Variants in SYNE1 observed in about 807,000 individuals in gnomAD.
The protein encoded by SYNE1 is spectrin repeat containing nuclear envelope protein 1.
SYNE1 carries 616 observed loss-of-function variants against 1,111.0 expected under a neutral mutation model. The ratio of observed to expected loss-of-function variants is 0.55; its 90% CI spans 0.52 to 0.59. The LOEUF is 0.59. SYNE1 is among the 20% of genes least tolerant of loss of function. The pLI, the probability that SYNE1 is intolerant of heterozygous loss-of-function variation, is 0.00. For synonymous variants in SYNE1, 3,855 were observed against 3,825.8 expected (o/e 1.01, Z -0.28); for missense variants, 10,006 against 10,417.0 (o/e 0.96, Z 1.72).
At chr6:152,189,507 C>T (rs2071568264) in intron 127 of SYNE1, 100 bp from the exon 128 acceptor site, 7 of 1,154,700 alleles carry the variant, frequency 6.1e-6, no homozygotes, top group Admixed American at 5.8e-5. Context: ...TTTGTATAGC[C>T]CTCAATTTAA....
intron 74 of SYNE1, among the ~76,000 whole-genome samples, chr6:152,342,112 G>C (rs540691368): frequency 1.3e-5 from 2 of 152,348 alleles, no homozygotes; most frequent in Admixed American, 1.3e-4. Context: ...ACATGTGAAA[G>C]AGGCAGAAAC....
chr6:152,574,775 T>A (rs1294396978), intron 3 of SYNE1, among the ~76,000 whole-genome samples: 1 of 152,200 alleles, frequency 6.6e-6, no homozygotes, highest in Non-Finnish European at 1.5e-5. Context: ...ATCTAACTTC[T>A]GTTTTTTTCA....
intron 98 of SYNE1, among the ~76,000 whole-genome samples, chr6:152,274,988 G>C (rs1163960160): frequency 6.6e-6 from 1 of 152,148 alleles, no homozygotes; most frequent in African/African-American, 2.4e-5. Context: ...CTGGGCTTAA[G>C]GGATTCTCCC....
Position 152,180,007 on chromosome 6 carries a change from A to G in SYNE1, c.23460+129T>C, listed in dbSNP as rs143573746. On this transcript the variant is annotated intron_variant, in intron 129 of 145. Coordinates refer to ENST00000367255, the MANE Select transcript of SYNE1 (RefSeq NM_182961.4). ...TGCAAGTTTATTTTATATTAAAAAG[A>G]TAAAATGTTTAAAATATACTGCTCC... 2.6e-3 allele frequency: 2,748 copies of G among 1,063,226 alleles called. 8 individuals are homozygous for G. Among genetic ancestry groups the G allele is most frequent in the Middle Eastern group, 5.4e-3 (18 of 3,310 alleles). 65.9% of individuals were successfully genotyped at this position (1,063,226 alleles called of 1,614,324 possible). A position where few individuals can be genotyped will look rare whatever the true frequency, so the allele number is the denominator to read the frequency against.
chr6:152,373,367 T>A, intron 58 of SYNE1, 148 bp from the exon 59 acceptor site: 1 of 713,214 alleles, frequency 1.4e-6, no homozygotes, highest in Non-Finnish European at 2.2e-6. Flanking sequence ...GCAGCCTCCG[T>A]CTTCTGCGTT....
chr6:152,384,989 T>C (rs2097502264), intron 55 of SYNE1, among the ~76,000 whole-genome samples: 1 of 152,182 alleles, frequency 6.6e-6, no homozygotes, highest in African/African-American at 2.4e-5. Context: ...ATCTGAGTTT[T>C]AAATTCCTGG....
At chr6:152,366,075 G>A (rs773658600) in intron 62 of SYNE1, among the ~76,000 whole-genome samples, 21 of 152,234 alleles carry the variant, frequency 1.4e-4, no homozygotes, top group Non-Finnish European at 2.9e-4. Flanking sequence ...GGCTCACCCT[G>A]TAATCCCAGC....
intron 28 of SYNE1, among the ~76,000 whole-genome samples, chr6:152,449,136 A>G (rs1168796848): frequency 6.6e-6 from 1 of 152,226 alleles, no homozygotes; most frequent in East Asian, 1.9e-4. Context: ...AAGGATGCCT[A>G]GAGACCTTGC....
intron 93 of SYNE1, among the ~76,000 whole-genome samples, chr6:152,295,006 T>C (rs1254854151): frequency 2.0e-5 from 3 of 152,204 alleles, no homozygotes; most frequent in Non-Finnish European, 4.4e-5. Flanking sequence ...CTGAGTCTTA[T>C]TGAGAATCAT....
intron 99 of SYNE1, 91 bp downstream of exon 99, chr6:152,269,064 C>T: frequency 6.3e-7 from 1 of 1,593,536 alleles, no homozygotes; most frequent in South Asian, 1.1e-5. Context: ...GTCTTTAGTA[C>T]AGAAGCAACT....
At chr6:152,238,898 T>C (rs1175206250) in intron 108 of SYNE1, among the ~76,000 whole-genome samples, 1 of 151,326 alleles carries the variant, frequency 6.6e-6, no homozygotes, top group Non-Finnish European at 1.5e-5. Flanking sequence ...CATTTTACTT[T>C]CATTTTTTTT....
intron 120 of SYNE1, among the ~76,000 whole-genome samples, chr6:152,218,768 C>A (rs2079361564): frequency 6.6e-6 from 1 of 152,182 alleles, no homozygotes; most frequent in African/African-American, 2.4e-5. Context: ...GCCATGGTGG[C>A]AGGCATTGGT....
intron 131 of SYNE1, among the ~76,000 whole-genome samples, chr6:152,160,092 C>T (rs375146726): frequency 9.9e-5 from 15 of 152,168 alleles, no homozygotes; most frequent in South Asian, 2.1e-4. Flanking sequence ...CTGCAACCTC[C>T]GACTCCCTGG....
At chr6:152,520,130 G>A (rs779625688) in intron 6 of SYNE1, among the ~76,000 whole-genome samples, 4 of 152,164 alleles carry the variant, frequency 2.6e-5, no homozygotes, top group Non-Finnish European at 5.9e-5. Flanking sequence ...AACAGACACA[G>A]ACAATAGAGG....
chr6:152,346,032 T>C (rs1209084209), intron 73 of SYNE1, among the ~76,000 whole-genome samples: 1 of 152,218 alleles, frequency 6.6e-6, no homozygotes, highest in Admixed American at 6.5e-5. Flanking sequence ...TTTACTTTTG[T>C]GCTACAAAAT....
chr6:152,615,297 A>G (rs1178716687), intron 3 of SYNE1, among the ~76,000 whole-genome samples: 2 of 152,180 alleles, frequency 1.3e-5, no homozygotes, highest in Non-Finnish European at 2.9e-5. Flanking sequence ...TAACTTGTCA[A>G]AGTAGGATGT....
intron 59 of SYNE1, among the ~76,000 whole-genome samples, chr6:152,370,918 G>C (rs1347248344): frequency 6.6e-6 from 1 of 152,184 alleles, no homozygotes; most frequent in Non-Finnish European, 1.5e-5. Flanking sequence ...CATTTGAAAA[G>C]TTAGTATCTC....
At chr6:152,409,276 G>T in intron 43 of SYNE1, 50 bp from the exon 44 acceptor site, 1 of 1,574,748 alleles carries the variant, frequency 6.4e-7, no homozygotes, top group South Asian at 1.1e-5. Context: ...GATAAGTCAT[G>T]AGTTTAAAAC....
intron 3 of SYNE1, among the ~76,000 whole-genome samples, chr6:152,562,766 C>A (rs924496122): frequency 1.3e-5 from 2 of 152,112 alleles, no homozygotes; most frequent in African/African-American, 4.8e-5. Flanking sequence ...CAAACCTGCA[C>A]GTTCTGCACT....
Sources: allele counts gnomAD v4.1 joint callset (sites outside exome capture counted in the v4.1 genomes callset), GRCh38; gene constraint gnomAD v4.1.1; transcripts MANE v1.5; gene names NCBI Gene and HGNC (gene_info 2026-07-23, HGNC 2026-07-21).